CHD2: variants seen among roughly 807,000 people sequenced by gnomAD.
CHD2 encodes chromodomain helicase DNA binding protein 2.
CHD2 carries 28 observed loss-of-function variants against 243.9 expected under a neutral mutation model. The observed-to-expected ratio is 0.11, with a 90% CI of 0.09 to 0.16. CHD2 has a LOEUF of 0.16. Among genes scored for constraint, CHD2 ranks in the 10% least tolerant of loss-of-function variants. CHD2 has a pLI of 1.00. For synonymous variants in CHD2, 775 were observed against 779.0 expected (o/e 0.99, Z 0.09); for missense variants, 1,386 against 2,209.8 (o/e 0.63, Z 7.47).
intron 17 of CHD2, among the ~76,000 whole-genome samples, chr15:92,971,409 A>G (rs1459466177): frequency 6.6e-6 from 1 of 152,210 alleles, no homozygotes; most frequent in African/African-American, 2.4e-5. Context: ...TTAAATATGT[A>G]TAAAGTACAT....
intron 2 of CHD2, among the ~76,000 whole-genome samples, chr15:92,916,055 CAA>C (rs2052828817): frequency 6.6e-6 from 1 of 152,226 alleles, no homozygotes; most frequent in African/African-American, 2.4e-5. Context: ...AAAGGCTAAT[CAA>C]GAGACTTAAA....
At chr15:92,931,195 T>C (rs975576237) in intron 5 of CHD2, among the ~76,000 whole-genome samples, 4 of 152,220 alleles carry the variant, frequency 2.6e-5, no homozygotes, top group Non-Finnish European at 5.9e-5. Context: ...AAGAAATGCT[T>C]TTCTGAAACC....
At position 92,945,816 on chromosome 15, in the gene CHD2, T is replaced by A. The variant is rs767803710; in HGVS notation, c.1154-5T>A. 2.5e-5 allele frequency: 39 copies of A among 1,555,546 alleles called. No homozygotes were observed. In the South Asian group the frequency reaches 4.6e-4, roughly 18 times the overall value. On this transcript the variant is annotated splice_region_variant and splice_polypyrimidine_tract_variant and intron_variant, in intron 10 of 38. Coordinates refer to ENST00000394196, the MANE Select transcript of CHD2 (RefSeq NM_001271.4). ...ACTTTTCTGTCTTATTTTTTATTTG[T>A]TTAGCTGTGAAGACAAGTAAATCTA...
chr15:92,961,876 CTTTTTT>C lies in CHD2; in HGVS notation c.2000+5245_2000+5250del, dbSNP rs3064790. Among the ~76,000 whole-genome samples the C allele has an allele frequency of 3.8e-4, 30 of 78,642 alleles. No homozygotes were observed. The East Asian group carries it at 4.0e-3, about 10-fold the overall frequency. 51.6% of individuals were successfully genotyped at this position (78,642 alleles called of 152,430 possible). The stretch of plus-strand genomic sequence containing the variant: ...GGTTTCTTCCTCTGTTTTTTCTTCT[CTTTTTT>C]TTTTTTTTTTTTTTTTTGAGACTGA... On this transcript the variant is annotated intron_variant, in intron 16 of 38. Transcript: ENST00000394196.
intron 37 of CHD2, among the ~76,000 whole-genome samples, chr15:93,015,678 C>T (rs1193146796): frequency 2.6e-5 from 4 of 151,850 alleles, no homozygotes; most frequent in African/African-American, 9.7e-5. Context: ...GGCAAATGCT[C>T]GATTAAAAAG....
At chr15:92,919,831 C>A (rs1354619469) in intron 2 of CHD2, among the ~76,000 whole-genome samples, 7 of 152,158 alleles carry the variant, frequency 4.6e-5, no homozygotes, top group African/African-American at 1.7e-4. Flanking sequence ...ATTAAAAATA[C>A]TTAAGGTATA....
At chr15:92,927,824 TATA>T (rs1222162406) in intron 4 of CHD2, among the ~76,000 whole-genome samples, 1 of 152,216 alleles carries the variant, frequency 6.6e-6, no homozygotes, top group Admixed American at 6.5e-5. Context: ...TAGTGTGAGA[TATA>T]ATAAAATGAG....
chr15:93,015,565 A>C (rs906280250), intron 37 of CHD2, among the ~76,000 whole-genome samples: 3 of 152,238 alleles, frequency 2.0e-5, no homozygotes, highest in Admixed American at 1.3e-4. Context: ...CAACAGAGTG[A>C]AGAGACAGTT....
At chr15:93,020,395 TC>T in intron 38 of CHD2, 137 bp downstream of exon 38, 1 of 1,080,220 alleles carries the variant, frequency 9.3e-7, no homozygotes, top group Non-Finnish European at 1.4e-6. Flanking sequence ...CCACAGCGAA[TC>T]CCATGTCTTG....
rs142368657 is a variant in CHD2 at position 93,010,007 on chromosome 15, T to G, written c.4592+684T>G. On this transcript the variant is annotated intron_variant, in intron 35 of 38. Coordinates refer to ENST00000394196, the MANE Select transcript of CHD2 (RefSeq NM_001271.4). ...CGAGCAGTGCACACTGCACCCAGTGTGTCATCTTCTATCCCTCAGCCCCCT... is the reference window on the plus strand; with the variant it reads ...CGAGCAGTGCACACTGCACCCAGTGGGTCATCTTCTATCCCTCAGCCCCCT... Among the ~76,000 whole-genome samples the G allele has an allele frequency of 2.6e-3, 402 of 152,346 alleles. 2 individuals carry two copies. The highest frequency in any genetic ancestry group is 4.6e-3 in the Non-Finnish European group (315 of 68,038).
chr15:93,020,176 C>A lies in CHD2; in HGVS notation c.5071C>A (p.Pro1691Thr), dbSNP rs754463281. 6.2e-7 allele frequency: 1 copy of A among 1,614,104 alleles called. No homozygotes were observed. Among genetic ancestry groups the A allele is most frequent in the Admixed American group, 1.7e-5 (1 of 60,018 alleles). Residue 1691 changes from proline (P) to threonine (T), a missense_variant, in exon 38 of 39, where the codon CCC becomes ACC. By Grantham distance (38) the Pro-to-Thr change is conservative (BLOSUM62 -1). This residue lies in a region of CHD2 where 347 missense variants were observed against 341.6 expected (regional missense o/e 1.02). Coordinates refer to ENST00000394196, the MANE Select transcript of CHD2 (RefSeq NM_001271.4). ...MDAHRSGSYR[P>T]NNMSRKRPYD... ...TGCCCACCGTTCCGGAAGCTATCGA[C>A]CCAACAACATGTCCAGAAAGAGGCC...
intron 2 of CHD2, among the ~76,000 whole-genome samples, chr15:92,912,804 C>T (rs999626747): frequency 7.9e-5 from 12 of 152,296 alleles, no homozygotes; most frequent in African/African-American, 2.9e-4. Flanking sequence ...CCCGCCTCGG[C>T]CTCCCAAAGT....
intron 2 of CHD2, among the ~76,000 whole-genome samples, chr15:92,909,503 C>T (rs2052688289): frequency 6.6e-6 from 1 of 152,150 alleles, no homozygotes; most frequent in East Asian, 1.9e-4. Context: ...CAGAGTCTCA[C>T]TCTGCTGTGC....
chr15:93,019,890 G>T, intron 37 of CHD2, 122 bp from the exon 38 acceptor site: 2 of 1,152,740 alleles, frequency 1.7e-6, no homozygotes, highest in South Asian at 1.6e-5. Context: ...CTAAGATCGT[G>T]CCACTGCACT....
intron 3 of CHD2, among the ~76,000 whole-genome samples, chr15:92,924,777 T>G (rs918650064): frequency 3.3e-5 from 5 of 152,078 alleles, no homozygotes; most frequent in Non-Finnish European, 7.4e-5. Flanking sequence ...GAAAGACAAA[T>G]TTTTATACGC....
At chr15:92,969,812 CT>C (rs11297975) in intron 17 of CHD2, among the ~76,000 whole-genome samples, 30,290 of 132,306 alleles carry the variant, frequency 0.23, 2,541 homozygotes, top group Middle Eastern at 0.3. Flanking sequence ...TTAAGATTTT[CT>C]TTTTTTTTTT....
chr15:92,905,277 C>G (rs1001727883), intron 2 of CHD2, among the ~76,000 whole-genome samples: 3 of 152,092 alleles, frequency 2.0e-5, no homozygotes, highest in South Asian at 2.1e-4. Flanking sequence ...AATTCTGAGT[C>G]CCGGTAAACG....
intron 16 of CHD2, among the ~76,000 whole-genome samples, chr15:92,966,120 A>G (rs1469605187): frequency 2.0e-5 from 3 of 148,598 alleles, no homozygotes; most frequent in African/African-American, 7.5e-5. Flanking sequence ...CTGGAGTGCA[A>G]TGGCATGATC....
chr15:92,992,520 A>G (rs2054132904), intron 27 of CHD2, among the ~76,000 whole-genome samples: 1 of 152,206 alleles, frequency 6.6e-6, no homozygotes, highest in African/African-American at 2.4e-5. Context: ...AAAAGAAGCA[A>G]GCTAGTACGG....
Sources: gnomAD v4.1 joint callset for allele counts (sites outside exome capture counted in the v4.1 genomes callset) on GRCh38, gnomAD v4.1.1 for gene constraint, gnomAD v4.1.1 regional missense constraint, MANE v1.5 for transcripts, NCBI Gene and HGNC (gene_info 2026-07-23, HGNC 2026-07-21) for gene names.